The following CAPSL variants were observed in gnomAD, a reference collection of about 807,000 sequenced individuals.
CAPSL encodes the protein calcyphosine like.
A neutral mutation model predicts 21.3 loss-of-function variants in CAPSL; 17 were observed. The observed-to-expected ratio is 0.80, with a 90% confidence interval of 0.55 to 1.20. The LOEUF (loss-of-function observed/expected upper bound fraction) is 1.20, where lower values mean the gene tolerates loss of function less well. CAPSL is among the 50% of genes most tolerant of loss of function. CAPSL has a pLI of 0.00. For synonymous variants in CAPSL, 102 were observed against 89.3 expected, an observed-to-expected ratio of 1.14 and a Z score of -0.80; for missense variants, 289 against 259.3, an observed-to-expected ratio of 1.11 and a Z score of -0.79.
chr5:35,912,639 A>C (rs1738261469), intron 2 of CAPSL, among the ~76,000 whole-genome samples: 1 of 152,256 alleles, frequency 6.6e-6, no homozygotes, highest in South Asian at 2.1e-4. Context: ...ACAGACCTGC[A>C]GCTGAGGTTC....
Position 35,910,542 on chromosome 5 carries a change from C to T in CAPSL, c.139G>A (p.Val47Met), listed in dbSNP as rs746541152. Residue 47 changes from valine (V) to methionine (M), a missense_variant and splice_region_variant, in exon 3 of 5, where the codon GTG (valine) becomes ATG (methionine). By Grantham distance (21) the Val-to-Met change is conservative. Coordinates refer to ENST00000651391, the MANE Select transcript of CAPSL (RefSeq NM_001042625.2). Reference protein sequence around the residue: ...GSAGIKGLGRVFRIMDDDNNR... With the variant: ...GSAGIKGLGRMFRIMDDDNNR... ...TTATCGTCATCCATAATTCTAAACA[C>T]TCTGAAGAAAATACACACAAAAATT... 3 of 1,590,090 alleles carry T rather than the reference C, an allele frequency of 1.9e-6. No individual in the cohort carries two copies. Among genetic ancestry groups the T allele is most frequent in the Non-Finnish European group, 2.6e-6 (3 of 1,164,386 alleles).
intron 4 of CAPSL, among the ~76,000 whole-genome samples, chr5:35,909,090 T>G (rs1486908856): frequency 6.6e-6 from 1 of 152,022 alleles, no homozygotes; most frequent in Admixed American, 6.5e-5. Context: ...CTCAGGGTTT[T>G]TTTTTTTTTT....
At chr5:35,925,155 T>C (rs2149928766) in intron 1 of CAPSL, among the ~76,000 whole-genome samples, 1 of 152,314 alleles carries the variant, frequency 6.6e-6, no homozygotes, top group East Asian at 1.9e-4. Context: ...TCCACACAGG[T>C]CTGCTAAGAG....
intron 1 of CAPSL, among the ~76,000 whole-genome samples, chr5:35,926,660 G>A (rs1303765171): frequency 1.3e-5 from 2 of 152,138 alleles, no homozygotes; most frequent in African/African-American, 2.4e-5. Flanking sequence ...GCAGTAAGCT[G>A]AATTACATCT....
intron 2 of CAPSL, 56 bp downstream of exon 2, chr5:35,920,928 C>G (rs1000386390): frequency 1.3e-5 from 20 of 1,583,292 alleles, no homozygotes; most frequent in Middle Eastern, 1.7e-4. Flanking sequence ...ATTAGCCTCA[C>G]CTGGCAGAGT....
chr5:35,938,407 T>C (rs1459429144), intron 1 of CAPSL, 134 bp downstream of exon 1: 2 of 152,186 alleles, frequency 1.3e-5, no homozygotes, highest in Non-Finnish European at 2.9e-5. Context: ...ATGGCTTCTC[T>C]AGTCCAAGAA....
At chr5:35,920,917 C>T in intron 2 of CAPSL, 67 bp downstream of exon 2, 1 of 1,560,638 alleles carries the variant, frequency 6.4e-7, no homozygotes, top group Non-Finnish European at 8.7e-7. Context: ...ACGTGGCCAA[C>T]ATTAGCCTCA....
intron 1 of CAPSL, among the ~76,000 whole-genome samples, chr5:35,931,330 A>G (rs1267846637): frequency 6.6e-6 from 1 of 152,170 alleles, no homozygotes; most frequent in Non-Finnish European, 1.5e-5. Flanking sequence ...TTCTCTCAGT[A>G]GAATTTTGTC....
At chr5:35,909,729 G>C in intron 4 of CAPSL, 137 bp downstream of exon 4, 1 of 754,716 alleles carries the variant, frequency 1.3e-6, no homozygotes. Flanking sequence ...TTTCTAGATT[G>C]TTCCTAGGGA....
chr5:35,910,731 A>G (rs1422322292), intron 2 of CAPSL, among the ~76,000 whole-genome samples, 188 bp from the exon 3 acceptor site: 1 of 152,066 alleles, frequency 6.6e-6, no homozygotes, highest in African/African-American at 2.4e-5. Flanking sequence ...CACACACACA[A>G]AGTATAATTC....
At chr5:35,936,745 A>G (rs565693902) in intron 1 of CAPSL, among the ~76,000 whole-genome samples, 3 of 152,168 alleles carry the variant, frequency 2.0e-5, no homozygotes, top group East Asian at 3.9e-4. Context: ...CTCAGGCTTC[A>G]GTTATCTTTC....
Position 35,920,239 on chromosome 5 carries a change from T to A in CAPSL, c.137+745A>T, listed in dbSNP as rs566476703. Among the ~76,000 whole-genome samples, 6 of 152,220 alleles carry A rather than the reference T, an allele frequency of 3.9e-5. No individual in the cohort carries two copies. In the South Asian group the frequency reaches 8.3e-4, roughly 21 times the overall value. On this transcript the variant is annotated intron_variant, in intron 2 of 4. Transcript: ENST00000651391. ...CCCTGTACTTCTCTAATAAACAACT[T>A]CTCACACCACTGAGATGCCATTTAG...
chr5:35,913,155 A>G (rs1307897697), intron 2 of CAPSL, among the ~76,000 whole-genome samples: 6 of 152,224 alleles, frequency 3.9e-5, no homozygotes, highest in Admixed American at 3.3e-4. Context: ...AGAAGTTTAG[A>G]GATAAAAGAA....
chr5:35,929,160 T>C (rs1303314341), intron 1 of CAPSL, among the ~76,000 whole-genome samples: 2 of 152,108 alleles, frequency 1.3e-5, no homozygotes, highest in Admixed American at 1.3e-4. Context: ...CCTCATGTGG[T>C]GGATTCTATC....
chr5:35,906,027 G>T (rs897082405), intron 4 of CAPSL, among the ~76,000 whole-genome samples: 1 of 152,154 alleles, frequency 6.6e-6, no homozygotes, highest in Non-Finnish European at 1.5e-5. Context: ...GTTGCAGGCT[G>T]GTGAAATACT....
intron 1 of CAPSL, among the ~76,000 whole-genome samples, chr5:35,935,282 T>C (rs1281066082): frequency 6.6e-6 from 1 of 152,084 alleles, no homozygotes; most frequent in African/African-American, 2.4e-5. Flanking sequence ...ATCTGTTTGT[T>C]GTCTCGGCAT....
chr5:35,924,573 TTCTC>T (rs1280558228), intron 1 of CAPSL, among the ~76,000 whole-genome samples: 1 of 152,154 alleles, frequency 6.6e-6, no homozygotes, highest in African/African-American at 2.4e-5. Flanking sequence ...AAAAAGTCCA[TTCTC>T]TCCTGCTAGC....
chr5:35,919,190 T>TAA (rs34767517), intron 2 of CAPSL, among the ~76,000 whole-genome samples: 13 of 144,562 alleles, frequency 9.0e-5, no homozygotes, highest in African/African-American at 3.3e-4. Context: ...TATATATATA[T>TAA]AAAAATTGTG....
At position 35,910,514 on chromosome 5, in the gene CAPSL, T is replaced by G. The variant is rs374400961; in HGVS notation, c.167A>C (p.Asn56Thr). ...AAATTCTTTAAAATCAAGGGTTCGA[T>G]TATTATCGTCATCCATAATTCTAAA... is the stretch of plus-strand genomic sequence containing the variant. ...RVFRIMDDDNNRTLDFKEFMK... is the reference protein window; with the variant it reads ...RVFRIMDDDNTRTLDFKEFMK... Residue 56 changes from asparagine to threonine, a missense_variant, in exon 3 of 5, where the codon AAT (asparagine) becomes ACT (threonine). Asn to Thr is a moderately conservative substitution (Grantham distance 65). Transcript: ENST00000651391. 1 of 1,610,100 alleles carries G rather than the reference T, an allele frequency of 6.2e-7. No homozygotes were observed. The highest frequency in any genetic ancestry group is 1.3e-5 in the African/African-American group (1 of 74,840).
Sources: gnomAD v4.1 joint callset for allele counts (sites outside exome capture counted in the v4.1 genomes callset) on GRCh38, gnomAD v4.1.1 for gene constraint, MANE v1.5 for transcripts, NCBI Gene and HGNC (gene_info 2026-07-23, HGNC 2026-07-21) for gene names.